Variants in SNTN observed in about 807,000 individuals in gnomAD.
SNTN encodes the protein sentan.
SNTN carries 13 observed loss-of-function variants against 12.3 expected under a neutral mutation model. The ratio of observed to expected loss-of-function variants is 1.05; its 90% confidence interval spans 0.69 to 1.67. The LOEUF is 1.67. SNTN is among the 40% of genes most tolerant of loss of function. The probability of loss-of-function intolerance (pLI) is 0.00; values close to 1 mark genes in which losing one functional copy is unlikely to be tolerated. For missense variants in SNTN, 189 were observed against 169.8 expected (o/e 1.11, Z -0.63); for synonymous variants, 69 against 58.5 (o/e 1.18, Z -0.82).
At position 63,659,803 on chromosome 3, in the gene SNTN, G is replaced by A; in HGVS notation, c.224G>A (p.Gly75Asp). Reference sequence around the variant, plus strand: ...TTCAGAAATTCTTCTGACTCTGATGGTAAACTTGAAAAAGCTATTGCCAAA... The same window carrying A: ...TTCAGAAATTCTTCTGACTCTGATGATAAACTTGAAAAAGCTATTGCCAAA... ...LIFRNSSDSD[G>D]KLEKAIAKDL... is the part of the protein sequence containing the mutation. The change falls in exon 3 of 4, where the codon GGT becomes GAT. Residue 75 changes from glycine (G) to aspartate (D), a missense_variant. By Grantham distance (94) the Gly-to-Asp change is moderately conservative. Coordinates refer to ENST00000343837, the MANE Select transcript of SNTN (RefSeq NM_001080537.2). 6.2e-7 allele frequency: 1 copy of A among 1,613,984 alleles called. No individual in the cohort carries two copies. Among genetic ancestry groups the A allele is most frequent in the Non-Finnish European group, 8.5e-7 (1 of 1,179,932 alleles).
At chr3:63,662,347 A>G (rs1700751665) in intron 3 of SNTN, among the ~76,000 whole-genome samples, 1 of 152,192 alleles carries the variant, frequency 6.6e-6, no homozygotes, top group Non-Finnish European at 1.5e-5. Flanking sequence ...TAAGGGGAAC[A>G]TTGCCTTTCC....
intron 2 of SNTN, among the ~76,000 whole-genome samples, chr3:63,657,694 T>G (rs1700695928): frequency 6.6e-6 from 1 of 152,184 alleles, no homozygotes; most frequent in African/African-American, 2.4e-5. Flanking sequence ...CAGAGTGCAG[T>G]CAGACCTGAA....
intron 1 of SNTN, among the ~76,000 whole-genome samples, chr3:63,653,023 T>C (rs1700637015): frequency 6.6e-6 from 1 of 152,196 alleles, no homozygotes; most frequent in Non-Finnish European, 1.5e-5. Context: ...TTTGATTGCC[T>C]CTTGAGAAAC....
At chr3:63,659,673 G>A (rs933369592) in intron 2 of SNTN, 52 bp from the exon 3 acceptor site, 65 of 1,606,254 alleles carry the variant, frequency 4.0e-5, no homozygotes, top group Non-Finnish European at 5.3e-5. Flanking sequence ...CAGGTCTGGG[G>A]AAGGGTTATT....
At position 63,652,733 on chromosome 3, in the gene SNTN, G is replaced by A. The variant is rs553733281; in HGVS notation, c.46G>A (p.Glu16Lys). 5.0e-5 allele frequency: 80 copies of A among 1,614,068 alleles called. 2 individuals are homozygous for A. In the South Asian group the frequency reaches 8.2e-4, roughly 17 times the overall value. ...TACCCAGGACAAATCTCTCCACTTGGAAGGAGATCCCAATCCTTCTGCAGC... is the reference window on the plus strand; with the variant it reads ...TACCCAGGACAAATCTCTCCACTTGAAAGGAGATCCCAATCCTTCTGCAGC... ...HSTQDKSLHL[E>K]GDPNPSAAPT... Residue 16 changes from glutamate to lysine, a missense_variant, in exon 1 of 4, where the codon GAA (glutamate) becomes AAA (lysine). By Grantham distance (56) the Glu-to-Lys change is moderately conservative. Coordinates refer to ENST00000343837, the MANE Select transcript of SNTN (RefSeq NM_001080537.2).
rs146686256 is a variant in SNTN at position 63,662,580 on chromosome 3, G to A, written c.286-1357G>A. 4.2e-3 allele frequency among the ~76,000 whole-genome samples: 636 copies of A among 152,286 alleles called. 3 individuals are homozygous for A. The highest frequency in any genetic ancestry group is 6.7e-3 in the Non-Finnish European group (458 of 68,010). On this transcript the variant is annotated intron_variant, in intron 3 of 3. Coordinates refer to ENST00000343837, the MANE Select transcript of SNTN (RefSeq NM_001080537.2). ...GAGCAAACAGTGTGCCATTCTGCTAGTAAAGTGGTCCTGTCTACCTGTGTC... is the reference window on the plus strand; with the variant it reads ...GAGCAAACAGTGTGCCATTCTGCTAATAAAGTGGTCCTGTCTACCTGTGTC...
chr3:63,653,384 G>A (rs1007752963), intron 1 of SNTN, among the ~76,000 whole-genome samples: 6 of 152,058 alleles, frequency 3.9e-5, no homozygotes, highest in Non-Finnish European at 5.9e-5. Flanking sequence ...AAAGTGAAAC[G>A]TCCTTCTTCT....
intron 3 of SNTN, 34 bp downstream of exon 3, chr3:63,659,898 C>T (rs765874615): frequency 3.7e-6 from 6 of 1,612,594 alleles, no homozygotes; most frequent in Non-Finnish European, 5.1e-6. Flanking sequence ...GAAACAGAAA[C>T]TACACCCTCA....
At chr3:63,660,258 T>C (rs1314603034) in intron 3 of SNTN, among the ~76,000 whole-genome samples, 1 of 151,878 alleles carries the variant, frequency 6.6e-6, no homozygotes, top group African/African-American at 2.4e-5. Flanking sequence ...CAAGCAGAGA[T>C]CTGGAGGGCC....
chr3:63,652,702 G>A lies in SNTN; in HGVS notation c.15G>A (p.Met5Ile). 1 of 1,613,858 alleles carries A rather than the reference G, an allele frequency of 6.2e-7. No individual in the cohort carries two copies. The highest frequency in any genetic ancestry group is 1.1e-5 in the South Asian group (1 of 91,048). ...AAGATGAGAGAATGGGTGGCTGTAT[G>A]CACAGTACCCAGGACAAATCTCTCC... MGGC[M>I]HSTQDKSLHL... Residue 5 changes from methionine to isoleucine, a missense_variant, in exon 1 of 4, where the codon ATG (methionine) becomes ATA (isoleucine). By Grantham distance (10) the Met-to-Ile change is conservative (BLOSUM62 1). Coordinates refer to ENST00000343837, the MANE Select transcript of SNTN (RefSeq NM_001080537.2).
chr3:63,659,354 G>A (rs4688175), intron 2 of SNTN, among the ~76,000 whole-genome samples: 25,922 of 152,040 alleles, frequency 0.17, 2,261 homozygotes, highest in South Asian at 0.2. Context: ...CATTTTATTC[G>A]GTGATTCCTA....
rs371138754 is a variant in SNTN at position 63,659,824 on chromosome 3, C to T, written c.245C>T (p.Ala82Val). 1 of 1,613,866 alleles carries T rather than the reference C, an allele frequency of 6.2e-7. No individual in the cohort carries two copies. Residue 82 changes from alanine (A) to valine (V), a missense_variant, in exon 3 of 4, where the codon GCC becomes GTC. By Grantham distance (64) the Ala-to-Val change is moderately conservative (BLOSUM62 0). Transcript: ENST00000343837. The stretch of plus-strand genomic sequence containing the variant: ...GATGGTAAACTTGAAAAAGCTATTG[C>T]CAAAGATCTGCTGCAAACCCAATTT... ...DSDGKLEKAI[A>V]KDLLQTQFRN...
At chr3:63,657,758 C>G (rs1700696728) in intron 2 of SNTN, among the ~76,000 whole-genome samples, 1 of 152,110 alleles carries the variant, frequency 6.6e-6, no homozygotes, top group Non-Finnish European at 1.5e-5. Context: ...TGGGGATGCC[C>G]TTGCAAGAAG....
chr3:63,656,196 C>G (rs368861152), intron 2 of SNTN, among the ~76,000 whole-genome samples: 1 of 152,058 alleles, frequency 6.6e-6, no homozygotes, highest in Non-Finnish European at 1.5e-5. Flanking sequence ...TGACAGTGAA[C>G]GAATTAGGAG....
At chr3:63,653,812 C>A (rs1282752931) in intron 1 of SNTN, among the ~76,000 whole-genome samples, 1 of 152,120 alleles carries the variant, frequency 6.6e-6, no homozygotes, top group Non-Finnish European at 1.5e-5. Context: ...TTCCTGTTGC[C>A]CTTAGGATAA....
intron 1 of SNTN, 28 bp from the exon 2 acceptor site, chr3:63,654,734 C>A (rs1366875494): frequency 6.2e-7 from 1 of 1,610,066 alleles, no homozygotes; most frequent in East Asian, 2.2e-5. Context: ...CTCCCAGAAT[C>A]ATTCTGTTTC....
intron 2 of SNTN, among the ~76,000 whole-genome samples, chr3:63,659,096 G>A (rs1700715010): frequency 6.6e-6 from 1 of 152,124 alleles, no homozygotes; most frequent in Admixed American, 6.6e-5. Flanking sequence ...TTTTCTTCAT[G>A]GTAACTTGTA....
chr3:63,654,929 C>A, intron 2 of SNTN, 133 bp downstream of exon 2: 1 of 773,560 alleles, frequency 1.3e-6, no homozygotes, highest in Non-Finnish European at 2.1e-6. Flanking sequence ...ATCAAATATT[C>A]ATGATGTTCT....
At chr3:63,661,907 G>A (rs1455932366) in intron 3 of SNTN, among the ~76,000 whole-genome samples, 1 of 152,106 alleles carries the variant, frequency 6.6e-6, no homozygotes, top group Non-Finnish European at 1.5e-5. Flanking sequence ...GCACCATCTT[G>A]ATGTAACTCA....
Sources: allele counts gnomAD v4.1 joint callset (sites outside exome capture counted in the v4.1 genomes callset), GRCh38; gene constraint gnomAD v4.1.1; transcripts MANE v1.5; gene names NCBI Gene and HGNC (gene_info 2026-07-23, HGNC 2026-07-21).